The following TXLNB variants were observed in gnomAD, a reference collection of about 807,000 sequenced individuals.
TXLNB encodes the protein beta-taxilin.
Under a neutral mutation model 57.4 loss-of-function variants are expected in TXLNB, and 37 were observed. The ratio of observed to expected loss-of-function variants is 0.64; its 90% confidence interval spans 0.50 to 0.85. The LOEUF is 0.85. Ranked by LOEUF, TXLNB falls within the 40% of genes least tolerant of loss-of-function variation. TXLNB has a pLI of 0.00. For missense variants in TXLNB, 848 were observed against 825.6 expected, an observed-to-expected ratio of 1.03 and a Z score of -0.33; for synonymous variants, 302 against 309.6, an observed-to-expected ratio of 0.98 and a Z score of 0.26.
chr6:139,218,324 T>C, the TXLNB span, among the ~76,000 whole-genome samples: 1 of 152,232 alleles, frequency 6.6e-6, no homozygotes, highest in Non-Finnish European at 1.5e-5. Flanking sequence ...AGAAATGTGC[T>C]ATTAACACAC....
chr6:139,165,324 T>C, the TXLNB span, among the ~76,000 whole-genome samples: 42 of 152,320 alleles, frequency 2.8e-4, no homozygotes, highest in South Asian at 1.2e-3. Context: ...TGTTCCCATA[T>C]ACCTCCTGCC....
At chr6:139,287,242 G>A (rs953865691) in intron 2 of TXLNB, 13 of 152,290 alleles carry the variant, frequency 8.5e-5, no homozygotes, top group African/African-American at 2.4e-4. Flanking sequence ...GGAATTCACT[G>A]TCTCACTGCT....
chr6:139,222,321 T>C, the TXLNB span, among the ~76,000 whole-genome samples: 2 of 152,352 alleles, frequency 1.3e-5, no homozygotes, highest in Middle Eastern at 3.4e-3. Context: ...GCTTATATCA[T>C]GTTTATATCA....
chr6:139,235,807 A>G (rs1775830264), downstream of TXLNB, among the ~76,000 whole-genome samples: 1 of 152,076 alleles, frequency 6.6e-6, no homozygotes, highest in Non-Finnish European at 1.5e-5. Flanking sequence ...TCCTGTGCCT[A>G]TAAAAACTTT....
At chr6:139,238,172 T>C (rs186411269), downstream of TXLNB, among the ~76,000 whole-genome samples, 3 of 152,286 alleles carry the variant, frequency 2.0e-5, no homozygotes, top group Admixed American at 1.3e-4. Context: ...GGCAGGCAGA[T>C]TACTTGAGGT....
chr6:139,232,429 T>G, the TXLNB span, among the ~76,000 whole-genome samples: 1 of 152,196 alleles, frequency 6.6e-6, no homozygotes, highest in Non-Finnish European at 1.5e-5. Flanking sequence ...ATTATACTTG[T>G]AGTACTCTCA....
chr6:139,182,924 T>G, the TXLNB span: 1 of 152,226 alleles, frequency 6.6e-6, no homozygotes, highest in Non-Finnish European at 1.5e-5. Flanking sequence ...TTCTTGGTGA[T>G]GAACACCATC....
In TXLNB at chr6:139,260,435, A is replaced by T; in HGVS notation, c.885T>A (p.His295Gln). The T allele has an allele frequency of 1.2e-6, 2 of 1,613,294 alleles. 1 individual carries two copies. The highest frequency in any genetic ancestry group is 3.3e-4 in the Middle Eastern group (2 of 6,058). ...CTCTGTGTTTAAATATTTTGTCCAG[A>T]TGCTAAGAAAAATAAAGTGTACATA... ...IIDQYELREE[H>Q]LDKIFKHREL... The change falls in exon 6 of 10, where the codon CAT becomes CAA. Residue 295 changes from histidine to glutamine, a missense_variant and splice_region_variant. Physicochemically the swap from His to Gln is conservative, Grantham distance 24. Coordinates refer to ENST00000358430, the MANE Select transcript of TXLNB (RefSeq NM_153235.4).
chr6:139,207,114 CA>C, the TXLNB span, among the ~76,000 whole-genome samples: 1 of 152,156 alleles, frequency 6.6e-6, no homozygotes. Flanking sequence ...ACTTAAACTA[CA>C]CCCTAGAACA....
At chr6:139,319,025 C>G in the TXLNB span, among the ~76,000 whole-genome samples, 1 of 150,102 alleles carries the variant, frequency 6.7e-6, no homozygotes, top group African/African-American at 2.5e-5. Context: ...TCACTGCAAC[C>G]TCAGCCTGCT....
At chr6:139,267,686 T>G (rs916139928) in intron 4 of TXLNB, among the ~76,000 whole-genome samples, 2 of 152,176 alleles carry the variant, frequency 1.3e-5, no homozygotes, top group Non-Finnish European at 2.9e-5. Context: ...GGGCAGATAC[T>G]GTAGGAATGA....
chr6:139,279,156 A>T (rs1318374797), intron 2 of TXLNB, among the ~76,000 whole-genome samples: 1 of 152,214 alleles, frequency 6.6e-6, no homozygotes, highest in Non-Finnish European at 1.5e-5. Flanking sequence ...GTGTACCGAC[A>T]TGTGAAACCA....
At chr6:139,302,419 A>G in the TXLNB span, among the ~76,000 whole-genome samples, 2 of 151,930 alleles carry the variant, frequency 1.3e-5, no homozygotes, top group South Asian at 2.1e-4. Context: ...AAATGAATCT[A>G]GTGGGTTTTC....
chr6:139,188,380 A>G, the TXLNB span, among the ~76,000 whole-genome samples: 3 of 152,070 alleles, frequency 2.0e-5, no homozygotes, highest in Non-Finnish European at 2.9e-5. Context: ...TTTTTTCCCT[A>G]GTTGGGTCAG....
the TXLNB span, among the ~76,000 whole-genome samples, chr6:139,215,587 C>T: frequency 2.0e-5 from 3 of 152,174 alleles, no homozygotes. Context: ...ATATCTAAAA[C>T]ACCAAAAGCA....
the TXLNB span, among the ~76,000 whole-genome samples, chr6:139,316,525 G>A: frequency 6.6e-6 from 1 of 152,070 alleles, no homozygotes; most frequent in Non-Finnish European, 1.5e-5. Flanking sequence ...TGCCCAGGCT[G>A]TATTTGGAAT....
At position 139,243,117 on chromosome 6, in the gene TXLNB, A is replaced by G. The variant is rs1443109566; in HGVS notation, c.1464T>C (p.Ile488=). The change falls in exon 10 of 10, where the codon ATT becomes ATC. Residue 488 remains isoleucine (I), a synonymous_variant. Coordinates refer to ENST00000358430, the MANE Select transcript of TXLNB (RefSeq NM_153235.4). ...GGACACTATTAACCTCCTCTGCGTC[A>G]ATCTCTTGATCCACAGAGACGTTTG... is the stretch of plus-strand genomic sequence containing the variant. ...PESNVSVDQE[I]DAEEVNSVQT... 2 of 1,614,074 alleles carry G rather than the reference A, an allele frequency of 1.2e-6. No individual in the cohort carries two copies. The highest frequency in any genetic ancestry group is 2.2e-5 in the East Asian group (1 of 44,870).
At chr6:139,243,361 T>C (rs1775999314) in intron 9 of TXLNB, 47 bp from the exon 10 acceptor site, 3 of 1,534,470 alleles carry the variant, frequency 2.0e-6, no homozygotes, top group Non-Finnish European at 2.6e-6. Context: ...TGAAATGACA[T>C]GATAAGCAAA....
At chr6:139,305,279 T>C in the TXLNB span, among the ~76,000 whole-genome samples, 1 of 152,162 alleles carries the variant, frequency 6.6e-6, no homozygotes, top group East Asian at 1.9e-4. Flanking sequence ...GTGGTGTGTA[T>C]GTATTAAGAT....
Sources: allele counts gnomAD v4.1 joint callset (sites outside exome capture counted in the v4.1 genomes callset), GRCh38; gene constraint gnomAD v4.1.1; transcripts MANE v1.5; gene names NCBI Gene and HGNC (gene_info 2026-07-23, HGNC 2026-07-21).